SEMA5A: variants seen among roughly 807,000 people sequenced by gnomAD.
SEMA5A encodes semaphorin 5A.
Under a neutral mutation model 135.5 loss-of-function variants are expected in SEMA5A, and 55 were observed. The ratio of observed to expected loss-of-function variants is 0.41; its 90% CI spans 0.33 to 0.51. SEMA5A has a LOEUF of 0.51. Among genes scored for constraint, SEMA5A ranks in the 20% least tolerant of loss-of-function variants. The probability of loss-of-function intolerance (pLI) is 0.37; values close to 1 mark genes in which losing one functional copy is unlikely to be tolerated. For missense variants in SEMA5A, 1,290 were observed against 1,419.9 expected, an observed-to-expected ratio of 0.91 and a Z score of 1.47; for synonymous variants, 580 against 546.5, an observed-to-expected ratio of 1.06 and a Z score of -0.85.
chr5:9,477,892 T>C (rs757044433), intron 1 of SEMA5A, among the ~76,000 whole-genome samples: 3 of 152,130 alleles, frequency 2.0e-5, no homozygotes, highest in East Asian at 1.9e-4. Context: ...TAAGCAACAA[T>C]GGGGAAAACG....
chr5:9,115,949 T>G (rs911831329), intron 15 of SEMA5A, among the ~76,000 whole-genome samples: 11 of 152,220 alleles, frequency 7.2e-5, no homozygotes, highest in African/African-American at 2.7e-4. Flanking sequence ...CCTGCTGGAT[T>G]TTAAAAGGCA....
rs1414124502 is a variant in SEMA5A at position 9,040,055 on chromosome 5, A to AAGTT, written c.*2838_*2841dup. 6.6e-6 allele frequency: 1 copy of AAGTT among 152,204 alleles called. No homozygotes were observed. The highest frequency in any genetic ancestry group is 6.5e-5 in the Admixed American group (1 of 15,284). The allele number at this position is 152,204 out of a possible 1,614,324, so 9.4% of individuals were successfully genotyped here. A position where few individuals can be genotyped will look rare whatever the true frequency, so the allele number is the denominator to read the frequency against. Reference sequence around the variant, plus strand: ...CAACTGTATTCAGAAATAATTTTAGAAGTTAAATAGTGATTAATGTCATTT... The same window carrying AAGTT: ...CAACTGTATTCAGAAATAATTTTAGAAGTTAGTTAAATAGTGATTAATGTCATTT... On this transcript the variant is annotated 3_prime_UTR_variant, in exon 23 of 23. Coordinates refer to ENST00000382496, the MANE Select transcript of SEMA5A (RefSeq NM_003966.3).
intron 10 of SEMA5A, among the ~76,000 whole-genome samples, chr5:9,193,903 A>G (rs1436378706): frequency 6.6e-6 from 1 of 152,208 alleles, no homozygotes; most frequent in East Asian, 1.9e-4. Flanking sequence ...TCTCAAAAAC[A>G]AAACAAAACA....
At chr5:9,282,731 G>A (rs971166674) in intron 5 of SEMA5A, among the ~76,000 whole-genome samples, 7 of 152,058 alleles carry the variant, frequency 4.6e-5, no homozygotes, top group East Asian at 1.9e-4. Context: ...TCTAAAATAC[G>A]TAATTCCATC....
At chr5:9,334,210 A>C (rs1051197805) in intron 4 of SEMA5A, among the ~76,000 whole-genome samples, 4 of 152,196 alleles carry the variant, frequency 2.6e-5, no homozygotes, top group Admixed American at 2.6e-4. Context: ...GCCTAGTGCT[A>C]TGAGAAAAAA....
At chr5:9,319,360 T>C (rs1000729770) in intron 4 of SEMA5A, among the ~76,000 whole-genome samples, 4 of 152,066 alleles carry the variant, frequency 2.6e-5, no homozygotes, top group African/African-American at 4.8e-5. Flanking sequence ...TGCCCAAGTA[T>C]AAAATAGGAA....
In SEMA5A at chr5:9,042,887, A is replaced by G. The variant is rs1465304377; in HGVS notation, c.*10T>C. 3 of 1,613,858 alleles carry G rather than the reference A, an allele frequency of 1.9e-6. No individual in the cohort carries two copies. In the South Asian group the frequency reaches 3.3e-5, roughly 18 times the overall value. On this transcript the variant is annotated 3_prime_UTR_variant, in exon 23 of 23. Transcript: ENST00000382496. The stretch of plus-strand genomic sequence containing the variant: ...TGGGGATTTACAAGAAGCCAAAAAC[A>G]TGAAAGCTGTTAGTACTCATCATAA...
chr5:9,159,731 T>C (rs1414169532), intron 11 of SEMA5A, among the ~76,000 whole-genome samples: 1 of 152,210 alleles, frequency 6.6e-6, no homozygotes, highest in African/African-American at 2.4e-5. Context: ...TAAATCATTC[T>C]ACTATAAAGC....
chr5:9,097,839 GC>G (rs1739406944), intron 16 of SEMA5A, among the ~76,000 whole-genome samples: 1 of 152,190 alleles, frequency 6.6e-6, no homozygotes, highest in African/African-American at 2.4e-5. Context: ...GAATACAAGA[GC>G]CCAGCCTTGA....
chr5:9,511,949 C>T (rs928824468), intron 1 of SEMA5A: 2 of 152,148 alleles, frequency 1.3e-5, no homozygotes, highest in Admixed American at 6.5e-5. Context: ...ATTATCCTGA[C>T]AAAATATGAT....
intron 5 of SEMA5A, among the ~76,000 whole-genome samples, chr5:9,311,580 C>G (rs1478057862): frequency 7.2e-6 from 1 of 139,458 alleles, no homozygotes; most frequent in East Asian, 2.1e-4. Flanking sequence ...ACATCACACT[C>G]CGGGGACTGT....
intron 8 of SEMA5A, among the ~76,000 whole-genome samples, chr5:9,218,384 G>T (rs994338470): frequency 2.0e-5 from 3 of 152,096 alleles, no homozygotes; most frequent in African/African-American, 7.2e-5. Flanking sequence ...CTGGAAGTTT[G>T]GGCAGAACAG....
chr5:9,045,956 A>G (rs1449950445), intron 21 of SEMA5A: 1 of 152,256 alleles, frequency 6.6e-6, no homozygotes, highest in Non-Finnish European at 1.5e-5. Context: ...TGTTGGTGAA[A>G]TACTACTATT....
intron 2 of SEMA5A, among the ~76,000 whole-genome samples, chr5:9,429,486 T>C (rs1199097216): frequency 1.3e-5 from 2 of 152,202 alleles, no homozygotes; most frequent in African/African-American, 4.8e-5. Flanking sequence ...GCAGAAGTTA[T>C]GTAAAATTGA....
chr5:9,168,396 T>C (rs1378411128), intron 11 of SEMA5A, among the ~76,000 whole-genome samples: 1 of 152,128 alleles, frequency 6.6e-6, no homozygotes, highest in East Asian at 1.9e-4. Flanking sequence ...ATGCCAACAG[T>C]GAGGTCAGTG....
intron 16 of SEMA5A, among the ~76,000 whole-genome samples, chr5:9,097,760 C>A (rs1432534566): frequency 6.6e-6 from 1 of 152,166 alleles, no homozygotes; most frequent in Non-Finnish European, 1.5e-5. Flanking sequence ...CATGGCCCAG[C>A]CTGTACAACA....
intron 1 of SEMA5A, among the ~76,000 whole-genome samples, chr5:9,442,080 A>C (rs268531): frequency 0.94 from 143,454 of 152,190 alleles, 67,827 homozygotes; most frequent in African/African-American, 0.99. Context: ...AAGGATGAAC[A>C]TGGCCCTTGC....
intron 6 of SEMA5A, among the ~76,000 whole-genome samples, chr5:9,228,778 C>T (rs143381165): frequency 9.5e-4 from 144 of 152,348 alleles, no homozygotes; most frequent in Non-Finnish European, 1.4e-3. Context: ...ATGAAAGATG[C>T]TGCATGATAA....
chr5:9,090,026 T>C (rs1238169765), intron 16 of SEMA5A, among the ~76,000 whole-genome samples: 5 of 152,206 alleles, frequency 3.3e-5, no homozygotes, highest in Non-Finnish European at 7.3e-5. Flanking sequence ...TAAATATGTG[T>C]GTATACATGT....
Sources: allele counts gnomAD v4.1 joint callset (sites outside exome capture counted in the v4.1 genomes callset), GRCh38; gene constraint gnomAD v4.1.1; transcripts MANE v1.5; gene names NCBI Gene and HGNC (gene_info 2026-07-23, HGNC 2026-07-21).